PEPD: variants seen among roughly 807,000 people sequenced by gnomAD.
The protein encoded by PEPD is peptidase D.
PEPD carries 53 observed loss-of-function variants against 60.7 expected under a neutral mutation model. The ratio of observed to expected loss-of-function variants is 0.87; its 90% CI spans 0.70 to 1.10. The LOEUF is 1.10. PEPD is among the 50% of genes least tolerant of loss of function. The pLI is 0.00. For synonymous variants in PEPD, 267 were observed against 284.1 expected, an observed-to-expected ratio of 0.94 and a Z score of 0.60; for missense variants, 711 against 711.9, an observed-to-expected ratio of 1.00 and a Z score of 0.01.
chr19:33,493,333 G>A lies in PEPD; in HGVS notation c.398C>T (p.Ala133Val). The change falls in exon 5 of 15, where the codon GCC becomes GTC. Residue 133 changes from alanine (A) to valine (V), a missense_variant. By Grantham distance (64) the Ala-to-Val change is moderately conservative. Transcript: ENST00000244137. ...GGGCTTCTGTGACGTCAGGACGCTGGCAATCTAGAAGGTCGGAAAGAAAAA... is the reference window on the plus strand; with the variant it reads ...GGGCTTCTGTGACGTCAGGACGCTGACAATCTAGAAGGTCGGAAAGAAAAA... The part of the protein sequence containing the change: ...VDDVQYVDEI[A>V]SVLTSQKPSV... 6.2e-7 allele frequency: 1 copy of A among 1,612,644 alleles called. No individual in the cohort carries two copies. The highest frequency in any genetic ancestry group is 8.5e-7 in the Non-Finnish European group (1 of 1,178,726).
intron 6 of PEPD, among the ~76,000 whole-genome samples, chr19:33,485,013 A>G (rs558319238): frequency 6.1e-4 from 93 of 152,184 alleles, no homozygotes; most frequent in African/African-American, 2.1e-3. Context: ...TTTCCTGATG[A>G]GCTCTAAATG....
rs115681607 is a variant in PEPD, at chr19:33,389,873, T to C, written c.1152+1422A>G. 5.9e-3 allele frequency among the ~76,000 whole-genome samples: 895 copies of C among 152,316 alleles called. 5 individuals carry two copies. Among genetic ancestry groups the C allele is most frequent in the African/African-American group, 0.02 (840 of 41,572 alleles). On this transcript the variant is annotated intron_variant, in intron 13 of 14. Transcript: ENST00000244137. ...CTAGGGGCCTGCCCGGGGGACCTGC[T>C]GAGAACAGGGCGCAGGCGCCATAAG... is the stretch of plus-strand genomic sequence containing the variant.
chr19:33,418,680 C>G (rs1308136240), intron 9 of PEPD, among the ~76,000 whole-genome samples: 1 of 152,184 alleles, frequency 6.6e-6, no homozygotes, highest in East Asian at 1.9e-4. Flanking sequence ...TAGCACTGTT[C>G]CCCGTAGGTC....
intron 9 of PEPD, among the ~76,000 whole-genome samples, chr19:33,461,971 A>T (rs1600135490): frequency 1.3e-5 from 2 of 151,974 alleles, no homozygotes. Flanking sequence ...ACTGCTCAGA[A>T]CTCCTTCCAG....
intron 2 of PEPD, 95 bp from the exon 3 acceptor site, chr19:33,511,250 G>C: frequency 7.6e-7 from 1 of 1,323,034 alleles, no homozygotes. Flanking sequence ...AGCCAGCTCA[G>C]ACCGACAGCC....
At chr19:33,427,830 G>A (rs184235336) in intron 9 of PEPD, among the ~76,000 whole-genome samples, 35 of 152,302 alleles carry the variant, frequency 2.3e-4, no homozygotes, top group Non-Finnish European at 3.7e-4. Context: ...TCGATGCAAA[G>A]TTAAATATCC....
At chr19:33,499,171 A>G (rs1970663568) in intron 4 of PEPD, among the ~76,000 whole-genome samples, 1 of 152,182 alleles carries the variant, frequency 6.6e-6, no homozygotes, top group Non-Finnish European at 1.5e-5. Context: ...CAACGGGATC[A>G]ATATGATAGG....
intron 9 of PEPD, among the ~76,000 whole-genome samples, chr19:33,453,801 C>A (rs1220970269): frequency 6.6e-6 from 1 of 152,178 alleles, no homozygotes; most frequent in Non-Finnish European, 1.5e-5. Context: ...GATGAGGACA[C>A]TGAGGTAGTG....
chr19:33,430,218 C>A (rs553578098), intron 9 of PEPD, among the ~76,000 whole-genome samples: 1 of 152,200 alleles, frequency 6.6e-6, no homozygotes, highest in Non-Finnish European at 1.5e-5. Context: ...CAGCCCCAGC[C>A]GTGAAGGGAG....
At chr19:33,407,225 C>T (rs1189576676) in intron 11 of PEPD, among the ~76,000 whole-genome samples, 3 of 152,240 alleles carry the variant, frequency 2.0e-5, no homozygotes, top group Admixed American at 1.3e-4. Context: ...CAGAGCCCTC[C>T]ACCTCTGCCC....
chr19:33,501,350 T>G (rs1479808926), intron 3 of PEPD, among the ~76,000 whole-genome samples: 1 of 152,122 alleles, frequency 6.6e-6, no homozygotes, highest in Non-Finnish European at 1.5e-5. Flanking sequence ...CGTCCCTCTG[T>G]GGCATAAAAC....
intron 9 of PEPD, among the ~76,000 whole-genome samples, chr19:33,454,540 C>T (rs1034006784): frequency 5.3e-5 from 8 of 151,160 alleles, no homozygotes; most frequent in South Asian, 2.1e-4. Flanking sequence ...ACGTGGAGGT[C>T]GCAGTGAGCC....
At position 33,494,959 on chromosome 19, in the gene PEPD, C is replaced by T. The variant is rs186209547; in HGVS notation, c.394-1622G>A. 1.3e-3 allele frequency among the ~76,000 whole-genome samples: 205 copies of T among 152,058 alleles called. 2 individuals are homozygous for T. Among genetic ancestry groups the T allele is most frequent in the Admixed American group, 0.01 (157 of 15,280 alleles). On this transcript the variant is annotated intron_variant, in intron 4 of 14. Coordinates refer to ENST00000244137, the MANE Select transcript of PEPD (RefSeq NM_000285.4). Reference sequence around the variant, plus strand: ...ACCATCCTGGCTAAAACAGTGAAACCCCATCTCTATTAAAAATACAAAAAA... The same window carrying T: ...ACCATCCTGGCTAAAACAGTGAAACTCCATCTCTATTAAAAATACAAAAAA...
chr19:33,498,575 T>C (rs1012664985), intron 4 of PEPD, among the ~76,000 whole-genome samples: 1 of 152,084 alleles, frequency 6.6e-6, no homozygotes, highest in Non-Finnish European at 1.5e-5. Context: ...CAGAGGCAGG[T>C]GCCGGTCCCA....
At chr19:33,432,714 C>T (rs1317120522) in intron 9 of PEPD, among the ~76,000 whole-genome samples, 1 of 152,232 alleles carries the variant, frequency 6.6e-6, no homozygotes, top group Non-Finnish European at 1.5e-5. Flanking sequence ...TTACGTTCGC[C>T]AAATCCCCCT....
chr19:33,465,433 T>G (rs1290017633), intron 7 of PEPD, among the ~76,000 whole-genome samples: 1 of 152,084 alleles, frequency 6.6e-6, no homozygotes, highest in Non-Finnish European at 1.5e-5. Context: ...ACTGCCCAAC[T>G]CATCCCCTGA....
At chr19:33,399,270 C>T (rs182250114) in intron 12 of PEPD, among the ~76,000 whole-genome samples, 13 of 152,348 alleles carry the variant, frequency 8.5e-5, no homozygotes, top group East Asian at 1.9e-4. Context: ...GTGTGAGCCA[C>T]AGAGCCCGGC....
At chr19:33,447,998 T>C (rs1037810827) in intron 9 of PEPD, among the ~76,000 whole-genome samples, 2 of 152,144 alleles carry the variant, frequency 1.3e-5, no homozygotes, top group South Asian at 4.1e-4. Context: ...TTTGGTTTTA[T>C]CATAAATTAC....
intron 3 of PEPD, among the ~76,000 whole-genome samples, chr19:33,505,019 AG>A (rs1205594388): frequency 2.0e-5 from 3 of 152,176 alleles, no homozygotes; most frequent in Non-Finnish European, 2.9e-5. Context: ...AGTGACTGCC[AG>A]CAACTGTGGG....
Sources: allele counts gnomAD v4.1 joint callset (sites outside exome capture counted in the v4.1 genomes callset), GRCh38; gene constraint gnomAD v4.1.1; transcripts MANE v1.5; gene names NCBI Gene and HGNC (gene_info 2026-07-23, HGNC 2026-07-21).